The following HMOX2 variants were observed in gnomAD, a reference collection of about 807,000 sequenced individuals.
The protein encoded by HMOX2 is heme oxygenase 2.
Under a neutral mutation model 33.7 loss-of-function variants are expected in HMOX2, and 30 were observed. That is an observed-to-expected ratio of 0.89 (90% CI 0.67 to 1.21). HMOX2 has a LOEUF of 1.21. Among genes scored for constraint, HMOX2 ranks in the 50% most tolerant of loss-of-function variants. The probability of loss-of-function intolerance (pLI) is 0.00; values close to 1 mark genes in which losing one functional copy is unlikely to be tolerated. For missense variants in HMOX2, 403 were observed against 399.1 expected, an observed-to-expected ratio of 1.01 and a Z score of -0.08; for synonymous variants, 155 against 155.0, an observed-to-expected ratio of 1.00 and a Z score of 0.00.
intron 1 of HMOX2, among the ~76,000 whole-genome samples, chr16:4,491,096 C>T (rs2058294831): frequency 6.6e-6 from 1 of 152,182 alleles, no homozygotes. Flanking sequence ...AAGTTGGCCC[C>T]CAGTGGAGAA....
At chr16:4,483,223 GTT>G (rs1715583478) in intron 1 of HMOX2, among the ~76,000 whole-genome samples, 1 of 119,872 alleles carries the variant, frequency 8.3e-6, no homozygotes, top group Non-Finnish European at 1.7e-5. Flanking sequence ...GTGTGTGTGT[GTT>G]TATGGAGGCT....
At chr16:4,502,310 A>G (rs1403823204) in intron 1 of HMOX2, among the ~76,000 whole-genome samples, 1 of 152,252 alleles carries the variant, frequency 6.6e-6, no homozygotes, top group Non-Finnish European at 1.5e-5. Flanking sequence ...GTTATTATTG[A>G]GTAAAACACA....
At chr16:4,479,726 ATTTT>A (rs58936845) in intron 1 of HMOX2, among the ~76,000 whole-genome samples, 47 of 79,848 alleles carry the variant, frequency 5.9e-4, no homozygotes, top group African/African-American at 1.9e-3. Context: ...TTCTTATTCT[ATTTT>A]TTTTTTTTTT....
chr16:4,508,785 G>C (rs1244571438), intron 4 of HMOX2, among the ~76,000 whole-genome samples: 1 of 152,182 alleles, frequency 6.6e-6, no homozygotes, highest in Non-Finnish European at 1.5e-5. Flanking sequence ...ACCTAGAAAT[G>C]GGGATGTACT....
At chr16:4,503,732 T>A (rs2058617671) in intron 1 of HMOX2, among the ~76,000 whole-genome samples, 1 of 152,220 alleles carries the variant, frequency 6.6e-6, no homozygotes, top group South Asian at 2.1e-4. Context: ...CCATGTACTA[T>A]AATATCCTAA....
intron 2 of HMOX2, among the ~76,000 whole-genome samples, chr16:4,505,904 G>A (rs540180783): frequency 6.6e-6 from 1 of 152,256 alleles, no homozygotes; most frequent in East Asian, 1.9e-4. Flanking sequence ...TTCCTCATCT[G>A]GGCTGAGAAA....
rs1234763652 is a variant in HMOX2 at position 4,509,551 on chromosome 16, G to A, written c.823+13G>A. ...GAACAAGACAAAGGTAGGTCTGTGT[G>A]TCCTGAGCTCCCCTCCTGGGGCAGG... On this transcript the variant is annotated intron_variant, in intron 5 of 5. Coordinates refer to ENST00000570646, the MANE Select transcript of HMOX2 (RefSeq NM_002134.4). The A allele has an allele frequency of 6.2e-7, 1 of 1,614,162 alleles. No homozygotes were observed. The highest frequency in any genetic ancestry group is 1.1e-5 in the South Asian group (1 of 91,080).
chr16:4,503,303 T>A lies in HMOX2; in HGVS notation c.-41-2181T>A, dbSNP rs375961132. 2.0e-5 allele frequency among the ~76,000 whole-genome samples: 3 copies of A among 152,154 alleles called. No individual in the cohort carries two copies. The South Asian group carries it at 6.2e-4, about 32-fold the overall frequency. ...TCTGGCTTTGTTCATAATATTCCCT[T>A]GATCTGGAGGCCCTCCCCCAGCCCT... On this transcript the variant is annotated intron_variant, in intron 1 of 5. Coordinates refer to ENST00000570646, the MANE Select transcript of HMOX2 (RefSeq NM_002134.4).
In HMOX2 at chr16:4,509,498, C is replaced by T. The variant is rs34975267; in HGVS notation, c.783C>T (p.Asp261=). 476 of 1,614,156 alleles carry T rather than the reference C, an allele frequency of 2.9e-4. 1 individual carries two copies. In the African/African-American group the frequency reaches 5.9e-3, roughly 20 times the overall value. Residue 261 remains aspartate, a synonymous_variant, in exon 5 of 6, where the codon GAC becomes GAT. Transcript: ENST00000570646. Reference sequence around the variant, plus strand: ...TCCCTGTACACGATGGGAAAGGAGACATGCGTAAATGCCCTTTCTACGCTG... The same window carrying T: ...TCCCTGTACACGATGGGAAAGGAGATATGCGTAAATGCCCTTTCTACGCTG... ...DGFPVHDGKG[D]MRKCPFYAAE...
chr16:4,478,534 T>C (rs1399335185), intron 1 of HMOX2, among the ~76,000 whole-genome samples: 4 of 151,984 alleles, frequency 2.6e-5, no homozygotes, highest in African/African-American at 9.7e-5. Flanking sequence ...GCGGATCACC[T>C]GAGGTCGGGA....
chr16:4,481,348 C>CAA (rs60035479), intron 1 of HMOX2, among the ~76,000 whole-genome samples: 3,125 of 113,874 alleles, frequency 0.027, 147 homozygotes, highest in African/African-American at 0.091. Flanking sequence ...GACTCCGTCT[C>CAA]AAAAAAAAAA....
At chr16:4,501,103 T>C (rs551764997) in intron 1 of HMOX2, among the ~76,000 whole-genome samples, 3 of 152,294 alleles carry the variant, frequency 2.0e-5, no homozygotes, top group South Asian at 4.1e-4. Context: ...GCTGGTTTGC[T>C]TGGTCCAATT....
intron 1 of HMOX2, among the ~76,000 whole-genome samples, chr16:4,481,389 T>TTA (rs1446737715): frequency 4.0e-5 from 6 of 151,706 alleles, no homozygotes; most frequent in Admixed American, 3.9e-4. Context: ...CAATCTGGCA[T>TTA]TATAATGCCA....
chr16:4,488,753 T>G (rs1426456843), intron 1 of HMOX2: 1 of 152,760 alleles, frequency 6.5e-6, no homozygotes. Context: ...GTCAGTGGTT[T>G]GTGTATGCGT....
intron 1 of HMOX2, among the ~76,000 whole-genome samples, chr16:4,489,467 A>T (rs759748993): frequency 9.9e-5 from 15 of 151,992 alleles, no homozygotes; most frequent in East Asian, 1.9e-4. Context: ...TTTTATTTTT[A>T]AAAATTTTTT....
chr16:4,479,068 T>G (rs1173663128), intron 1 of HMOX2, among the ~76,000 whole-genome samples: 1 of 152,050 alleles, frequency 6.6e-6, no homozygotes, highest in African/African-American at 2.4e-5. Flanking sequence ...GGAGAATTGC[T>G]TGAACCTGGG....
chr16:4,499,428 A>C (rs1161087269), intron 1 of HMOX2, among the ~76,000 whole-genome samples: 1 of 152,206 alleles, frequency 6.6e-6, no homozygotes. Flanking sequence ...ATGGTGCATG[A>C]TATCACTTAT....
Position 4,509,832 on chromosome 16 carries a change from C to A in HMOX2, c.*76C>A. On this transcript the variant is annotated 3_prime_UTR_variant, in exon 6 of 6. Coordinates refer to ENST00000570646, the MANE Select transcript of HMOX2 (RefSeq NM_002134.4). ...ACCCCTTTCTCCAGCCCTGACTAAA[C>A]TACCACCTCAGGTGACTTTTTAAAA... 1 of 1,493,518 alleles carries A rather than the reference C, an allele frequency of 6.7e-7. No individual in the cohort carries two copies. The highest frequency in any genetic ancestry group is 9.1e-7 in the Non-Finnish European group (1 of 1,103,404). The allele number at this position is 1,493,518 out of a possible 1,614,324, so 92.5% of individuals were successfully genotyped here.
rs2058774632 is a variant in HMOX2, at chr16:4,509,324, A to G, written c.697-88A>G. On this transcript the variant is annotated intron_variant, in intron 4 of 5. Transcript: ENST00000570646. Reference sequence around the variant, plus strand: ...ATAACACTGCACTCTAGCCTGGGCAACAGAGACCTCATCTCAAAAGACATT... The same window carrying G: ...ATAACACTGCACTCTAGCCTGGGCAGCAGAGACCTCATCTCAAAAGACATT... The G allele has an allele frequency of 6.6e-6, 10 of 1,511,248 alleles. No homozygotes were observed. The South Asian group carries it at 1.1e-4, about 17-fold the overall frequency. The allele number at this position is 1,511,248 out of a possible 1,614,324, so 93.6% of individuals were successfully genotyped here.
Sources: gnomAD v4.1 joint callset for allele counts (sites outside exome capture counted in the v4.1 genomes callset) on GRCh38, gnomAD v4.1.1 for gene constraint, MANE v1.5 for transcripts, NCBI Gene and HGNC (gene_info 2026-07-23, HGNC 2026-07-21) for gene names.